WASL: variants seen among roughly 807,000 people sequenced by gnomAD.
WASL encodes actin nucleation-promoting factor WASL.
A neutral mutation model predicts 55.5 loss-of-function variants in WASL; 20 were observed. The ratio of observed to expected loss-of-function variants is 0.36; its 90% CI spans 0.25 to 0.52. WASL has a LOEUF of 0.52. Among genes scored for constraint, WASL ranks in the 20% least tolerant of loss-of-function variants. The pLI is 0.92. For synonymous variants in WASL, 249 were observed against 217.6 expected (o/e 1.14, Z -1.27); for missense variants, 504 against 622.5 (o/e 0.81, Z 2.03).
intron 1 of WASL, among the ~76,000 whole-genome samples, chr7:123,741,780 T>C (rs1804346217): frequency 2.0e-5 from 3 of 152,170 alleles, no homozygotes; most frequent in Non-Finnish European, 2.9e-5. Flanking sequence ...AATCTTACTA[T>C]AGAAGACTAG....
At chr7:123,738,836 T>TCA (rs1491395889) in intron 1 of WASL, among the ~76,000 whole-genome samples, 1 of 151,706 alleles carries the variant, frequency 6.6e-6, no homozygotes, top group Non-Finnish European at 1.5e-5. Context: ...TTGTCTTGAG[T>TCA]CACACACAAA....
At chr7:123,684,849 C>G (rs1803262510) in intron 10 of WASL, among the ~76,000 whole-genome samples, 1 of 151,996 alleles carries the variant, frequency 6.6e-6, no homozygotes, top group African/African-American at 2.4e-5. Context: ...TGTATAAAAT[C>G]ATCTGGGTTG....
At chr7:123,696,805 T>A in intron 5 of WASL, 58 bp from the exon 6 acceptor site, 1 of 1,161,386 alleles carries the variant, frequency 8.6e-7, no homozygotes, top group Non-Finnish European at 1.1e-6. Flanking sequence ...TGATATACAA[T>A]CATAATTTAC....
rs1314728189 is a variant in WASL, at chr7:123,706,381, A to G, written c.340-8T>C. 1.4e-5 allele frequency: 22 copies of G among 1,610,242 alleles called. No individual in the cohort carries two copies. Among genetic ancestry groups the G allele is most frequent in the Non-Finnish European group, 1.7e-5 (20 of 1,177,270 alleles). On this transcript the variant is annotated splice_polypyrimidine_tract_variant and splice_region_variant and intron_variant, in intron 3 of 10. Transcript: ENST00000223023. ...AAGAGCAACTTGACAAGTCTGAAATATTTTCATCACAAAGGGGAAACAACA... is the reference window on the plus strand; with the variant it reads ...AAGAGCAACTTGACAAGTCTGAAATGTTTTCATCACAAAGGGGAAACAACA...
chr7:123,744,262 A>G (rs113971647), intron 1 of WASL, among the ~76,000 whole-genome samples: 5,122 of 152,306 alleles, frequency 0.034, 132 homozygotes, highest in Non-Finnish European at 0.051. Flanking sequence ...AATGAAGACT[A>G]AAGTCCAGAT....
rs755233993 is a variant in WASL at position 123,682,407 on chromosome 7, C to T, written c.*2112G>A. 1 of 151,938 alleles carries T rather than the reference C, an allele frequency of 6.6e-6. No homozygotes were observed. Among genetic ancestry groups the T allele is most frequent in the Admixed American group, 6.6e-5 (1 of 15,244 alleles). The allele number at this position is 151,938 out of a possible 1,614,324, so 9.4% of individuals were successfully genotyped here. ...TAACAACAACCAATGTCTTTTTCTTCTTTAAGAAAAAAAGAATAAATTAAT... is the reference window on the plus strand; with the variant it reads ...TAACAACAACCAATGTCTTTTTCTTTTTTAAGAAAAAAAGAATAAATTAAT... On this transcript the variant is annotated 3_prime_UTR_variant, in exon 11 of 11. Transcript: ENST00000223023.
At chr7:123,724,691 C>T (rs760184049) in intron 1 of WASL, among the ~76,000 whole-genome samples, 13 of 152,170 alleles carry the variant, frequency 8.5e-5, no homozygotes, top group Admixed American at 2.0e-4. Context: ...TTGATTACTG[C>T]TGTGCTATCA....
chr7:123,746,252 T>G (rs1244283645), intron 1 of WASL, among the ~76,000 whole-genome samples: 2 of 152,246 alleles, frequency 1.3e-5, no homozygotes, highest in Non-Finnish European at 2.9e-5. Context: ...CTTCCAGATT[T>G]TGACCTCAAC....
chr7:123,740,219 T>A (rs1211717988), intron 1 of WASL, among the ~76,000 whole-genome samples: 4 of 151,948 alleles, frequency 2.6e-5, no homozygotes, highest in African/African-American at 7.3e-5. Flanking sequence ...ATATTATCTT[T>A]TATATATATA....
At chr7:123,721,124 G>C (rs983603538) in intron 1 of WASL, among the ~76,000 whole-genome samples, 1 of 152,144 alleles carries the variant, frequency 6.6e-6, no homozygotes, top group African/African-American at 2.4e-5. Flanking sequence ...CAAAGTCTTT[G>C]ATTTCTTTTA....
At position 123,748,819 on chromosome 7, in the gene WASL, G is replaced by C; in HGVS notation, c.-85C>G. The stretch of plus-strand genomic sequence containing the variant: ...CGTTCCCCCTCTCGGTGACAGGGGC[G>C]GGGAGAAGTGGAGTCAGAGGCGCCA... On this transcript the variant is annotated 5_prime_UTR_variant, in exon 1 of 11. Transcript: ENST00000223023. The C allele has an allele frequency of 8.5e-7, 1 of 1,177,380 alleles. No homozygotes were observed. Among genetic ancestry groups the C allele is most frequent in the Non-Finnish European group, 1.2e-6 (1 of 856,910 alleles). The allele number at this position is 1,177,380 out of a possible 1,614,324, so 72.9% of individuals were successfully genotyped here.
intron 1 of WASL, among the ~76,000 whole-genome samples, chr7:123,712,184 CTTGT>C (rs963308696): frequency 3.3e-5 from 5 of 151,738 alleles, no homozygotes; most frequent in African/African-American, 1.2e-4. Context: ...TTCTGAAGTG[CTTGT>C]TTGTGTACCT....
At chr7:123,708,945 T>A in intron 2 of WASL, 144 bp downstream of exon 2, 1 of 730,768 alleles carries the variant, frequency 1.4e-6, no homozygotes, top group Non-Finnish European at 2.0e-6. Context: ...GTATGCAATA[T>A]CTAAAAACCA....
chr7:123,737,956 A>G (rs1336415468), intron 1 of WASL, among the ~76,000 whole-genome samples: 1 of 152,200 alleles, frequency 6.6e-6, no homozygotes, highest in Non-Finnish European at 1.5e-5. Context: ...TATCTTTAAC[A>G]TATAAAGTGC....
At chr7:123,744,117 T>C (rs1206301111) in intron 1 of WASL, among the ~76,000 whole-genome samples, 2 of 152,226 alleles carry the variant, frequency 1.3e-5, no homozygotes, top group African/African-American at 2.4e-5. Context: ...CCTCTAAGCA[T>C]ATCCTTCCCT....
intron 1 of WASL, among the ~76,000 whole-genome samples, chr7:123,737,596 CAAAAAAAAAA>C (rs34669724): frequency 1.4e-5 from 1 of 72,818 alleles, no homozygotes; most frequent in African/African-American, 5.4e-5. Flanking sequence ...CTCCGTCTCC[CAAAAAAAAAA>C]AAAAAAAAAG....
rs144911113 is a variant in WASL at position 123,690,266 on chromosome 7, A to G, written c.1348-1116T>C. ...CACATTTTTTGAAGTGCTTACTTGA[A>G]CAAAGTACTATTTGAGGTACTAAAA... On this transcript the variant is annotated intron_variant, in intron 9 of 10. Coordinates refer to ENST00000223023, the MANE Select transcript of WASL (RefSeq NM_003941.4). Among the ~76,000 whole-genome samples, 1,061 of 152,322 alleles carry G rather than the reference A, an allele frequency of 7.0e-3. 5 individuals are homozygous for G. Among genetic ancestry groups the G allele is most frequent in the Middle Eastern group, 0.014 (4 of 294 alleles).
intron 9 of WASL, among the ~76,000 whole-genome samples, chr7:123,691,404 T>C (rs1031015147): frequency 1.3e-5 from 2 of 152,198 alleles, no homozygotes; most frequent in African/African-American, 2.4e-5. Context: ...TTTTTAAAAC[T>C]ATCTAAAAAT....
At chr7:123,713,855 C>G (rs1257490717) in intron 1 of WASL, among the ~76,000 whole-genome samples, 1 of 152,166 alleles carries the variant, frequency 6.6e-6, no homozygotes, top group Non-Finnish European at 1.5e-5. Flanking sequence ...GCATCCGCAA[C>G]CAAACGTGGA....
Sources: gnomAD v4.1 joint callset for allele counts (sites outside exome capture counted in the v4.1 genomes callset) on GRCh38, gnomAD v4.1.1 for gene constraint, MANE v1.5 for transcripts, NCBI Gene and HGNC (gene_info 2026-07-23, HGNC 2026-07-21) for gene names.